The following GALK1 variants were observed in gnomAD, a reference collection of about 807,000 sequenced individuals.
GALK1 encodes galactokinase 1.
A neutral mutation model predicts 38.6 loss-of-function variants in GALK1; 30 were observed. The ratio of observed to expected loss-of-function variants is 0.78; its 90% CI spans 0.58 to 1.05. The LOEUF is 1.05. Among genes scored for constraint, GALK1 ranks in the 50% least tolerant of loss-of-function variants. The pLI is 0.00. For missense variants in GALK1, 512 were observed against 540.5 expected (o/e 0.95, Z 0.52); for synonymous variants, 240 against 233.6 (o/e 1.03, Z -0.25).
chr17:75,764,446 G>A (rs1438069004), intron 1 of GALK1: 1 of 568,460 alleles, frequency 1.8e-6, no homozygotes, highest in Non-Finnish European at 3.4e-6. Context: ...CTGCAGATGG[G>A]GCGGAAAGCG....
At chr17:75,753,957 C>A, downstream of GALK1, 1 of 1,264,460 alleles carries the variant, frequency 7.9e-7, no homozygotes, top group African/African-American at 1.6e-5. Flanking sequence ...CGCAGTGCGA[C>A]ACCCGGGCCC....
At chr17:75,764,802 G>GT in intron 1 of GALK1, 170 bp downstream of exon 1, 1 of 734,088 alleles carries the variant, frequency 1.4e-6, no homozygotes. Context: ...CCCTTCCAAC[G>GT]TGGGGAACAG....
intron 3 of GALK1, 30 bp downstream of exon 3, chr17:75,763,290 G>A (rs369410892): frequency 6.2e-7 from 1 of 1,613,936 alleles, no homozygotes; most frequent in Non-Finnish European, 8.5e-7. Context: ...GGGAAGGAGG[G>A]CTGGGTCAGG....
chr17:75,755,578 T>C (rs1568385320), downstream of GALK1: 2 of 1,261,976 alleles, frequency 1.6e-6, no homozygotes, highest in Non-Finnish European at 2.3e-6. Flanking sequence ...GGTGAGTGAG[T>C]TGTCCAGCCA....
At chr17:75,757,037 G>A (rs369204890), downstream of GALK1, 1 of 1,612,678 alleles carries the variant, frequency 6.2e-7, no homozygotes, top group African/African-American at 1.3e-5. Flanking sequence ...AGTTCAAGGT[G>A]CAGGCCAGGA....
chr17:75,757,095 T>C, downstream of GALK1: 1 of 1,611,250 alleles, frequency 6.2e-7, no homozygotes, highest in Non-Finnish European at 8.5e-7. Flanking sequence ...CACCATAGAG[T>C]CCCAGGATGG....
At chr17:75,755,031 C>T, downstream of GALK1, 1 of 1,587,736 alleles carries the variant, frequency 6.3e-7, no homozygotes, top group Non-Finnish European at 8.6e-7. Flanking sequence ...CTGCTCCTCT[C>T]ACTCTTGTTT....
intron 5 of GALK1, 115 bp downstream of exon 5, chr17:75,762,589 G>A: frequency 9.0e-7 from 1 of 1,112,964 alleles, no homozygotes; most frequent in Non-Finnish European, 1.4e-6. Flanking sequence ...AAGGGACTGG[G>A]GAGAGCATGG....
At chr17:75,752,629 A>G in intron 8 of GALK1, 1 of 1,609,016 alleles carries the variant, frequency 6.2e-7, no homozygotes, top group South Asian at 1.1e-5. Context: ...TTGGGTACAG[A>G]GTGAGTCCAC....
In GALK1 at chr17:75,763,044, T is replaced by C. The variant is rs748316786; in HGVS notation, c.581A>G (p.Gln194Arg). 6.2e-7 allele frequency: 1 copy of C among 1,613,100 alleles called. No individual in the cohort carries two copies. The highest frequency in any genetic ancestry group is 8.5e-7 in the Non-Finnish European group (1 of 1,180,012). ...GTCAATGAGCAGCGCGTGGCCTTTC[T>C]GTCCCATAAGTGAGATGAACTGGTC... ...IMDQFISLMG[Q>R]KGHALLIDCR... Residue 194 changes from glutamine (Q) to arginine (R), a missense_variant, in exon 4 of 8, where the codon CAG (glutamine) becomes CGG (arginine). Transcript: ENST00000588479.
downstream of GALK1, chr17:75,757,519 T>C (rs747155019): frequency 3.1e-6 from 5 of 1,613,280 alleles, no homozygotes; most frequent in Middle Eastern, 3.3e-4. Context: ...GCGGAACCCT[T>C]AGCACCCACA....
intron 6 of GALK1, 26 bp from the exon 7 acceptor site, chr17:75,758,398 G>C: frequency 6.3e-7 from 1 of 1,577,690 alleles, no homozygotes; most frequent in South Asian, 1.2e-5. Context: ...TGAAGGGGTG[G>C]GCCTGGGCCG....
Position 75,764,091 on chromosome 17 carries a change from C to A in GALK1, c.166-5G>T. On this transcript the variant is annotated splice_polypyrimidine_tract_variant and splice_region_variant and intron_variant, in intron 1 of 7. Coordinates refer to ENST00000588479, the MANE Select transcript of GALK1 (RefSeq NM_000154.2). ...CACCGTCATGAGCTCCAGAGCCTGG[C>A]AGGAGAGACAAGCAGTACGTGAGGC... The A allele has an allele frequency of 1.9e-6, 3 of 1,571,494 alleles. No individual in the cohort carries two copies. Among genetic ancestry groups the A allele is most frequent in the Non-Finnish European group, 2.6e-6 (3 of 1,162,692 alleles).
rs2444842 is a variant in GALK1, at chr17:75,758,725, A to G, written c.794-126T>C. 940,926 of 1,192,508 alleles carry G rather than the reference A, an allele frequency of 0.79. 376,028 individuals carry two copies. The highest frequency in any genetic ancestry group is 0.82 in the Non-Finnish European group (695,530 of 845,258). 73.9% of individuals were successfully genotyped at this position (1,192,508 alleles called of 1,614,324 possible). A position where few individuals can be genotyped will look rare whatever the true frequency, so the allele number is the denominator to read the frequency against. ...GTGAAGGGTGGAAGGCCGCGGGGGC[A>G]GGGCAGCCTGGCTCTCTCAGACGTG... On this transcript the variant is annotated intron_variant, in intron 5 of 7. Coordinates refer to ENST00000588479, the MANE Select transcript of GALK1 (RefSeq NM_000154.2).
At chr17:75,762,939 G>C (rs368634148) in intron 4 of GALK1, 54 bp from the exon 5 acceptor site, 33 of 1,513,306 alleles carry the variant, frequency 2.2e-5, no homozygotes, top group Non-Finnish European at 2.8e-5. Context: ...TGCTTGCTGC[G>C]CCAGGCAGTG....
Position 75,765,062 on chromosome 17 carries a change from C to G in GALK1, c.75G>C (p.Gly25=). 1 of 1,603,246 alleles carries G rather than the reference C, an allele frequency of 6.2e-7. No homozygotes were observed. Among genetic ancestry groups the G allele is most frequent in the Non-Finnish European group, 8.5e-7 (1 of 1,175,848 alleles). ...EARRAFREEF[G]AEPELAVSAP... is the part of the protein sequence containing the mutation. The stretch of plus-strand genomic sequence containing the variant: ...CTGACACGGCCAGCTCGGGCTCGGC[C>G]CCGAACTCCTCCCGGAAGGCTCGCC... Residue 25 remains glycine (G), a synonymous_variant, in exon 1 of 8, where the codon GGG becomes GGC. Transcript: ENST00000588479.
In GALK1 at chr17:75,758,127, C is replaced by G; in HGVS notation, c.1108G>C (p.Glu370Gln). The part of the protein sequence containing the change: ...AAPHAMRHIQ[E>Q]HYGGTATFYL... ...AAGGTGGCAGTCCCGCCGTAGTGCT[C>G]CTGTAAGAGGCGGGCTGGGGGTGAG... Residue 370 changes from glutamate (E) to glutamine (Q), a missense_variant and splice_region_variant, in exon 8 of 8, where the codon GAG becomes CAG. Glu to Gln is a conservative substitution (Grantham distance 29). Coordinates refer to ENST00000588479, the MANE Select transcript of GALK1 (RefSeq NM_000154.2). 2 of 1,612,642 alleles carry G rather than the reference C, an allele frequency of 1.2e-6. No individual in the cohort carries two copies. Among genetic ancestry groups the G allele is most frequent in the Non-Finnish European group, 1.7e-6 (2 of 1,179,916 alleles).
chr17:75,756,377 CA>C (rs1419354925), downstream of GALK1: 24 of 1,596,892 alleles, frequency 1.5e-5, no homozygotes, highest in Non-Finnish European at 2.0e-5. Context: ...AGGATCAGGC[CA>C]GGGGTGGGAG....
chr17:75,753,731 G>A (rs2061421423), downstream of GALK1: 3 of 1,353,968 alleles, frequency 2.2e-6, no homozygotes, highest in Non-Finnish European at 2.9e-6. Context: ...GGCGCCCCCC[G>A]GCGGTGCCAA....
Sources: gnomAD v4.1 joint callset for allele counts on GRCh38, gnomAD v4.1.1 for gene constraint, MANE v1.5 for transcripts, NCBI Gene and HGNC (gene_info 2026-07-23, HGNC 2026-07-21) for gene names.